NTRK1: variants seen among roughly 807,000 people sequenced by gnomAD.
NTRK1 encodes high affinity nerve growth factor receptor.
NTRK1 carries 62 observed loss-of-function variants against 86.8 expected under a neutral mutation model. The observed-to-expected ratio is 0.71, with a 90% CI of 0.58 to 0.88. The LOEUF (loss-of-function observed/expected upper bound fraction) is 0.88. Ranked by LOEUF, NTRK1 falls within the 40% of genes least tolerant of loss-of-function variation. The probability of loss-of-function intolerance (pLI) is 0.00; values close to 1 mark genes in which losing one functional copy is unlikely to be tolerated. For missense variants in NTRK1, 967 were observed against 1,078.4 expected, an observed-to-expected ratio of 0.90 and a Z score of 1.45; for synonymous variants, 469 against 456.6, an observed-to-expected ratio of 1.03 and a Z score of -0.35.
At chr1:156,844,847 C>A in intron 2 of NTRK1, 6 of 1,613,722 alleles carry the variant, frequency 3.7e-6, no homozygotes, top group Non-Finnish European at 3.4e-6. Context: ...GCCTCTCCTG[C>A]GGGAAGGGGC....
intron 2 of NTRK1, chr1:156,844,773 C>T (rs768607224): frequency 5.0e-6 from 8 of 1,614,118 alleles, no homozygotes; most frequent in Non-Finnish European, 5.9e-6. Context: ...GTGGCTCGAG[C>T]CAGCGCAGAA....
At chr1:156,842,575 C>G (rs768683236) in intron 2 of NTRK1, 32 of 1,167,388 alleles carry the variant, frequency 2.7e-5, no homozygotes, top group Non-Finnish European at 3.8e-5. Flanking sequence ...AAATTCTGAT[C>G]TGCTATGACC....
At chr1:156,863,622 G>A (rs534794046) in intron 1 of NTRK1, among the ~76,000 whole-genome samples, 2 of 152,242 alleles carry the variant, frequency 1.3e-5, no homozygotes, top group East Asian at 3.9e-4. Flanking sequence ...CTGCTTGGGT[G>A]TGAAGAGGGG....
chr1:156,840,429 G>GCC (rs369914973), intron 1 of NTRK1: 26,454 of 158,520 alleles, frequency 0.17, 2,816 homozygotes, highest in Non-Finnish European at 0.23. Flanking sequence ...GTCATGTGGA[G>GCC]CCCCACCCCC....
intron 2 of NTRK1, chr1:156,845,836 A>T: frequency 6.2e-7 from 1 of 1,608,202 alleles, no homozygotes; most frequent in Middle Eastern, 1.7e-4. Flanking sequence ...GCGGGAAGAC[A>T]CTAGTAAGAC....
rs375878564 is a variant in NTRK1 at position 156,873,806 on chromosome 1, C to T, written c.1024C>T (p.Arg342Trp). The T allele has an allele frequency of 1.1e-5, 17 of 1,612,826 alleles. No homozygotes were observed. Among genetic ancestry groups the T allele is most frequent in the Admixed American group, 8.4e-5 (5 of 59,880 alleles). The change falls in exon 8 of 17, where the codon CGG becomes TGG. Residue 342 changes from arginine to tryptophan, a missense_variant. Around this residue, in one of 2 missense-constraint regions of NTRK1, gnomAD observed 637 missense variants for 776.5 expected, o/e 0.82. Coordinates refer to ENST00000524377, the MANE Select transcript of NTRK1 (RefSeq NM_002529.4). ...GGAGCCGGCAGCCAATGAGACCGTGCGGCACGGGTGTCTGCGCCTCAACCA... is the reference window on the plus strand; with the variant it reads ...GGAGCCGGCAGCCAATGAGACCGTGTGGCACGGGTGTCTGCGCCTCAACCA... The part of the protein sequence containing the change: ...FLEPAANETV[R>W]HGCLRLNQPT...
Position 156,866,284 on chromosome 1 carries a change from C to A in NTRK1, c.360-626C>A, listed in dbSNP as rs191120568. Among the ~76,000 whole-genome samples, 765 of 152,360 alleles carry A rather than the reference C, an allele frequency of 5.0e-3. 10 individuals carry two copies. The highest frequency in any genetic ancestry group is 0.014 in the South Asian group (69 of 4,826). On this transcript the variant is annotated intron_variant, in intron 3 of 16. Transcript: ENST00000524377. Reference sequence around the variant, plus strand: ...GCAGCCTGGCACAGGGCACAGGGCACTGGGGCTCCTACATCATTTTCCTGT... The same window carrying A: ...GCAGCCTGGCACAGGGCACAGGGCAATGGGGCTCCTACATCATTTTCCTGT...
intron 1 of NTRK1, chr1:156,841,103 G>A (rs1184553199): frequency 6.4e-7 from 1 of 1,556,910 alleles, no homozygotes; most frequent in Non-Finnish European, 8.7e-7. Context: ...ATCAGCTCCT[G>A]CCTGGTGGGT....
upstream of NTRK1, chr1:156,858,836 A>T: frequency 1.7e-6 from 1 of 588,388 alleles, no homozygotes; most frequent in Non-Finnish European, 3.0e-6. Flanking sequence ...GCAGTTGGAG[A>T]CAGAGAGACT....
chr1:156,830,972 T>C (rs2768747), intron 1 of NTRK1, among the ~76,000 whole-genome samples: 6,685 of 152,312 alleles, frequency 0.044, 188 homozygotes, highest in Middle Eastern at 0.11. Context: ...AACCTTCTTG[T>C]TCTTGCTGAC....
rs200756843 is a variant in NTRK1, at chr1:156,844,151, G to C, written c.50+1958G>C. 94 of 1,547,564 alleles carry C rather than the reference G, an allele frequency of 6.1e-5. No individual in the cohort carries two copies. In the East Asian group the frequency reaches 2.1e-3, roughly 35 times the overall value. ...GAGGGCTCAGGGAGAAAAGGGGGTG[G>C]GGACCGGTGGGACTTATCATCACCT... is the stretch of plus-strand genomic sequence containing the variant. On this transcript the variant is annotated intron_variant, in intron 2 of 16. Coordinates refer to the NTRK1 transcript ENST00000392302.
rs560985464 is a variant in NTRK1 at position 156,845,525 on chromosome 1, A to C, written c.50+3332A>C. 545 of 1,467,122 alleles carry C rather than the reference A, an allele frequency of 3.7e-4. 3 individuals carry two copies. The African/African-American group carries it at 7.3e-3, about 20-fold the overall frequency. The allele number at this position is 1,467,122 out of a possible 1,614,324, so 90.9% of individuals were successfully genotyped here. On this transcript the variant is annotated intron_variant, in intron 2 of 16. Transcript: ENST00000392302. The stretch of plus-strand genomic sequence containing the variant: ...CAACCCGGGACCCGCCCACACAAGC[A>C]AGGCCCCACCCACAAACCCCACCCC...
upstream of NTRK1, among the ~76,000 whole-genome samples, chr1:156,859,414 G>A (rs1655528576): frequency 6.6e-6 from 1 of 152,140 alleles, no homozygotes; most frequent in African/African-American, 2.4e-5. The surrounding 1 kb of genome is among the most constrained non-coding windows in gnomAD (Gnocchi z 6.2). Flanking sequence ...GGCAGCCAGC[G>A]CGCCCGGGCT....
rs920810352 is a variant in NTRK1, at chr1:156,880,055, C to T, written c.2103C>T (p.Tyr701=). ...IRWMPPESIL[Y]RKFTTESDVW... ...GGATGCCGCCCGAGAGCATCCTGTA[C>T]CGTAAGTTCACCACCGAGAGCGACG... Residue 701 remains tyrosine, a synonymous_variant, in exon 16 of 17, where the codon TAC becomes TAT. Transcript: ENST00000524377. The T allele has an allele frequency of 6.3e-7, 1 of 1,594,054 alleles. No homozygotes were observed. Among genetic ancestry groups the T allele is most frequent in the Non-Finnish European group, 8.5e-7 (1 of 1,171,488 alleles).
intron 2 of NTRK1, chr1:156,846,668 C>T (rs747078960): frequency 2.0e-5 from 33 of 1,614,024 alleles, no homozygotes; most frequent in African/African-American, 1.3e-5. Context: ...CTCCTGGGTG[C>T]GGCTTAGGGG....
At chr1:156,856,907 C>T (rs772695930), upstream of NTRK1, among the ~76,000 whole-genome samples, 5 of 152,208 alleles carry the variant, frequency 3.3e-5, no homozygotes, top group South Asian at 2.1e-4. Context: ...TGGCTCCCCA[C>T]TGCAGAAGAT....
At chr1:156,852,206 GTGTGTTAGACGTTGGCCA>G in intron 2 of NTRK1, 1 of 1,575,018 alleles carries the variant, frequency 6.3e-7, no homozygotes, top group Non-Finnish European at 8.6e-7. Context: ...GGGGAGAGTG[GTGTGTTAGACGTTGGCCA>G]TGCCCCCTCA....
At chr1:156,838,779 G>A (rs953109603) in intron 1 of NTRK1, among the ~76,000 whole-genome samples, 6 of 152,176 alleles carry the variant, frequency 3.9e-5, no homozygotes, top group African/African-American at 1.2e-4. Flanking sequence ...TCTTTTCTTC[G>A]ACTTCCAATC....
intron 2 of NTRK1, chr1:156,853,813 G>A (rs757519032): frequency 1.2e-6 from 2 of 1,612,916 alleles, no homozygotes; most frequent in South Asian, 1.1e-5. Context: ...AGGTGGTCTT[G>A]GCACAGGGCT....
Sources: allele counts gnomAD v4.1 joint callset (sites outside exome capture counted in the v4.1 genomes callset), GRCh38; gene constraint gnomAD v4.1.1; regional missense constraint gnomAD v4.1.1; non-coding constraint Gnocchi (gnomAD v3.1); transcripts MANE v1.5; gene names NCBI Gene and HGNC (gene_info 2026-07-23, HGNC 2026-07-21).